RSU1: variants seen among roughly 807,000 people sequenced by gnomAD.
The protein encoded by RSU1 is Ras suppressor protein 1, also known as rsu-1.
RSU1 carries 26 observed loss-of-function variants against 31.1 expected under a neutral mutation model. The observed-to-expected ratio is 0.84, with a 90% CI of 0.61 to 1.16. The LOEUF (loss-of-function observed/expected upper bound fraction) is 1.16, where lower values mean the gene tolerates loss of function less well. RSU1 is among the 50% of genes most tolerant of loss of function. RSU1 has a pLI of 0.00. For synonymous variants in RSU1, 164 were observed against 136.3 expected (o/e 1.20, Z -1.41); for missense variants, 320 against 339.1 (o/e 0.94, Z 0.44).
At chr10:16,754,835 A>T in intron 5 of RSU1, 36 bp downstream of exon 5, 1 of 1,321,782 alleles carries the variant, frequency 7.6e-7, no homozygotes, top group Non-Finnish European at 1.1e-6. Flanking sequence ...GCAAAGTACA[A>T]GGTTGAGGAG....
intron 2 of RSU1, among the ~76,000 whole-genome samples, chr10:16,797,846 G>C (rs546912765): frequency 2.0e-5 from 3 of 147,104 alleles, no homozygotes; most frequent in East Asian, 4.0e-4. Flanking sequence ...AGTTAAAGTG[G>C]GGATTTCTTC....
chr10:16,741,549 C>G (rs1289906350), intron 7 of RSU1, among the ~76,000 whole-genome samples: 4 of 151,960 alleles, frequency 2.6e-5, no homozygotes, highest in African/African-American at 7.3e-5. Context: ...GGTGAAAATT[C>G]CAAGGAGAGA....
At chr10:16,596,618 T>C (rs1833618773) in intron 8 of RSU1, among the ~76,000 whole-genome samples, 1 of 152,200 alleles carries the variant, frequency 6.6e-6, no homozygotes, top group East Asian at 1.9e-4. Context: ...ACAGCTTCCT[T>C]CCAGCCTCAG....
At chr10:16,599,371 C>T (rs1833676747) in intron 8 of RSU1, among the ~76,000 whole-genome samples, 1 of 152,182 alleles carries the variant, frequency 6.6e-6, no homozygotes, top group Admixed American at 6.5e-5. Flanking sequence ...AACCCGGGCA[C>T]CACTGTCCCC....
At chr10:16,803,828 A>T (rs997576919) in intron 2 of RSU1, among the ~76,000 whole-genome samples, 1 of 152,206 alleles carries the variant, frequency 6.6e-6, no homozygotes, top group Non-Finnish European at 1.5e-5. Context: ...ACAAAAATGA[A>T]CTCCAAATGA....
In RSU1 at chr10:16,686,791, GA is replaced by G. The variant is rs1388903516; in HGVS notation, c.731+8231del. 3.3e-5 allele frequency among the ~76,000 whole-genome samples: 5 copies of G among 152,156 alleles called. 1 individual carries two copies. ...TAGTTTTACTCTTTAAAGTCCTACG[GA>G]AAAGCCTTTTGTAGTGCAAGGTTCA... On this transcript the variant is annotated intron_variant, in intron 8 of 8. Coordinates refer to ENST00000345264, the MANE Select transcript of RSU1 (RefSeq NM_012425.4).
At chr10:16,636,399 C>T (rs1834345287) in intron 8 of RSU1, among the ~76,000 whole-genome samples, 1 of 152,170 alleles carries the variant, frequency 6.6e-6, no homozygotes, top group Non-Finnish European at 1.5e-5. Context: ...CAATTCTTTG[C>T]CAAACTCTGT....
intron 5 of RSU1, among the ~76,000 whole-genome samples, chr10:16,754,386 G>C (rs1386862839): frequency 6.6e-6 from 1 of 152,074 alleles, no homozygotes; most frequent in East Asian, 1.9e-4. Flanking sequence ...TGGATAAATA[G>C]GTCAATAAGA....
At chr10:16,686,870 T>C (rs7913448) in intron 8 of RSU1, among the ~76,000 whole-genome samples, 30,468 of 152,154 alleles carry the variant, frequency 0.2, 3,918 homozygotes, top group East Asian at 0.37. Context: ...TTTTCCCCTA[T>C]GCCCCTCTAA....
intron 7 of RSU1, among the ~76,000 whole-genome samples, chr10:16,749,988 C>T (rs547744696): frequency 6.6e-6 from 1 of 152,316 alleles, no homozygotes. Flanking sequence ...GACTCACTAG[C>T]TGTGTCCCCA....
intron 8 of RSU1, among the ~76,000 whole-genome samples, chr10:16,624,244 A>G (rs913584241): frequency 2.6e-5 from 4 of 152,044 alleles, no homozygotes; most frequent in African/African-American, 9.7e-5. Context: ...AGAGTCAACA[A>G]TATCAATAAT....
chr10:16,769,888 T>C (rs1837388991), intron 3 of RSU1, among the ~76,000 whole-genome samples: 1 of 152,160 alleles, frequency 6.6e-6, no homozygotes, highest in Non-Finnish European at 1.5e-5. Context: ...ATCAAACCCT[T>C]TCTAGTCAAC....
chr10:16,751,492 C>G (rs965543695), intron 7 of RSU1, among the ~76,000 whole-genome samples: 4 of 152,216 alleles, frequency 2.6e-5, no homozygotes, highest in African/African-American at 9.6e-5. Flanking sequence ...GTGTCTCAGT[C>G]TTCCTATGCG....
At chr10:16,603,508 C>G (rs1833747511) in intron 8 of RSU1, among the ~76,000 whole-genome samples, 1 of 152,232 alleles carries the variant, frequency 6.6e-6, no homozygotes, top group Middle Eastern at 3.2e-3. Context: ...CTGTCACCAG[C>G]AGGCATGCAG....
At chr10:16,593,520 T>A in intron 8 of RSU1, 24 bp from the exon 9 acceptor site, 1 of 1,569,542 alleles carries the variant, frequency 6.4e-7, no homozygotes, top group Non-Finnish European at 8.8e-7. Flanking sequence ...GAAAGGACAC[T>A]ATCAGATCTA....
At chr10:16,660,265 C>T (rs2131525898) in intron 8 of RSU1, among the ~76,000 whole-genome samples, 1 of 152,292 alleles carries the variant, frequency 6.6e-6, no homozygotes, top group South Asian at 2.1e-4. Flanking sequence ...GCCCAGTGTG[C>T]ATCAGGGCCA....
At chr10:16,787,114 T>G (rs1298326081) in intron 2 of RSU1, among the ~76,000 whole-genome samples, 3 of 152,134 alleles carry the variant, frequency 2.0e-5, no homozygotes, top group South Asian at 2.1e-4. Context: ...GGACACGTGT[T>G]GATGGTTCAT....
intron 8 of RSU1, among the ~76,000 whole-genome samples, chr10:16,660,332 G>C (rs993230220): frequency 1.3e-5 from 2 of 152,250 alleles, no homozygotes; most frequent in South Asian, 4.2e-4. Context: ...TAAAGTTCAC[G>C]CTACCTGTTG....
chr10:16,774,384 C>A (rs1311176460), intron 3 of RSU1, among the ~76,000 whole-genome samples: 1 of 151,900 alleles, frequency 6.6e-6, no homozygotes, highest in Non-Finnish European at 1.5e-5. Context: ...ACCAGCCTGG[C>A]CAACATGGTG....
Sources: gnomAD v4.1 joint callset for allele counts (sites outside exome capture counted in the v4.1 genomes callset) on GRCh38, gnomAD v4.1.1 for gene constraint, MANE v1.5 for transcripts, NCBI Gene and HGNC (gene_info 2026-07-23, HGNC 2026-07-21) for gene names.